Variants in HSDL1 observed in about 807,000 individuals in gnomAD.
The protein encoded by HSDL1 is inactive hydroxysteroid dehydrogenase-like protein 1.
HSDL1 carries 29 observed loss-of-function variants against 31.5 expected under a neutral mutation model. The ratio of observed to expected loss-of-function variants is 0.92; its 90% CI spans 0.69 to 1.26. HSDL1 has a LOEUF of 1.26. Ranked by LOEUF, HSDL1 falls within the 50% of genes most tolerant of loss-of-function variation. HSDL1 has a pLI of 0.00. For missense variants in HSDL1, 503 were observed against 416.6 expected (o/e 1.21, Z -1.81); for synonymous variants, 222 against 155.2 (o/e 1.43, Z -3.20).
intron 1 of HSDL1, among the ~76,000 whole-genome samples, chr16:84,138,137 T>C (rs1271779074): frequency 6.6e-5 from 10 of 152,212 alleles, no homozygotes; most frequent in Non-Finnish European, 8.8e-5. Context: ...ACCCAGTTCA[T>C]GGTATTTTGT....
intron 1 of HSDL1, among the ~76,000 whole-genome samples, chr16:84,143,876 G>A (rs1198337861): frequency 6.6e-6 from 1 of 151,868 alleles, no homozygotes; most frequent in African/African-American, 2.4e-5. Flanking sequence ...GGTAGAACGT[G>A]CCTGTAATCC....
chr16:84,144,266 A>G (rs1293875262), intron 1 of HSDL1: 1 of 151,994 alleles, frequency 6.6e-6, no homozygotes, highest in East Asian at 1.9e-4. Context: ...CACACCCAAG[A>G]CCCCACAACT....
Position 84,130,308 on chromosome 16 carries a change from T to G in HSDL1, c.344A>C (p.Tyr115Ser). The stretch of plus-strand genomic sequence containing the variant: ...AACTATAATATCAGTTTCCACTTTG[T>G]ACGTGTCGGCTATGTCTTTAGCAAC... ...QVVAKDIADT[Y>S]KVETDIIVAD... The change falls in exon 4 of 6, where the codon TAC (tyrosine) becomes TCC (serine). Residue 115 changes from tyrosine (Y) to serine (S), a missense_variant. Physicochemically the swap from Tyr to Ser is moderately radical, Grantham distance 144. Coordinates refer to ENST00000219439, the MANE Select transcript of HSDL1 (RefSeq NM_031463.5). 6.2e-7 allele frequency: 1 copy of G among 1,614,260 alleles called. No individual in the cohort carries two copies. Among genetic ancestry groups the G allele is most frequent in the Non-Finnish European group, 8.5e-7 (1 of 1,180,046 alleles).
intron 2 of HSDL1, among the ~76,000 whole-genome samples, chr16:84,132,113 G>A (rs1315877825): frequency 2.6e-5 from 4 of 152,216 alleles, no homozygotes; most frequent in Admixed American, 6.5e-5. Flanking sequence ...ACTACATGCT[G>A]TGGCTACAGA....
At chr16:84,131,424 T>C (rs2151187539) in intron 2 of HSDL1, 97 bp from the exon 3 acceptor site, 2 of 816,464 alleles carry the variant, frequency 2.4e-6, no homozygotes, top group East Asian at 2.4e-5. Flanking sequence ...GCATCAGATC[T>C]TGTCAATTGT....
chr16:84,136,385 A>G (rs1318271195), intron 1 of HSDL1, among the ~76,000 whole-genome samples: 2 of 152,234 alleles, frequency 1.3e-5, no homozygotes, highest in Non-Finnish European at 2.9e-5. Context: ...ATAGTCCTCC[A>G]GGGCAGAGGC....
rs2086576192 is a variant in HSDL1 at position 84,123,700 on chromosome 16, G to C, written c.*930C>G. ...GAATAATATTACATAGAAAAACGTA[G>C]GAAAACCAGATATAACAAGCTCTAA... On this transcript the variant is annotated 3_prime_UTR_variant, in exon 6 of 6. Coordinates refer to ENST00000219439, the MANE Select transcript of HSDL1 (RefSeq NM_031463.5). The C allele has an allele frequency of 6.6e-6, 1 of 152,480 alleles. No homozygotes were observed. The highest frequency in any genetic ancestry group is 2.1e-4 in the South Asian group (1 of 4,818). The allele number at this position is 152,480 out of a possible 1,614,324, so 9.4% of individuals were successfully genotyped here.
chr16:84,144,947 G>C, intron 1 of HSDL1, 133 bp downstream of exon 1: 1 of 152,702 alleles, frequency 6.5e-6, no homozygotes, highest in East Asian at 1.9e-4. Flanking sequence ...AGCGGAGGGG[G>C]CCCGGGGCCT....
chr16:84,137,323 T>A (rs2086721983), intron 1 of HSDL1, among the ~76,000 whole-genome samples: 1 of 151,908 alleles, frequency 6.6e-6, no homozygotes, highest in Admixed American at 6.6e-5. Context: ...CATTAGGAAG[T>A]CCCCCGCATG....
rs2086571227 is a variant in HSDL1 at position 84,123,149 on chromosome 16, A to G, written c.*1481T>C. On this transcript the variant is annotated 3_prime_UTR_variant, in exon 6 of 6. Transcript: ENST00000219439. ...TGAAGACATGATCTAAGCGTGGAAG[A>G]GCTTCTGAAGTTGACCACTGATCTT... 6.6e-6 allele frequency: 1 copy of G among 152,180 alleles called. No homozygotes were observed. Among genetic ancestry groups the G allele is most frequent in the Non-Finnish European group, 1.5e-5 (1 of 68,036 alleles). 9.4% of individuals were successfully genotyped at this position (152,180 alleles called of 1,614,324 possible).
At chr16:84,128,746 C>A (rs1025400831) in intron 5 of HSDL1, among the ~76,000 whole-genome samples, 1 of 151,208 alleles carries the variant, frequency 6.6e-6, no homozygotes, top group South Asian at 2.1e-4. Flanking sequence ...CTTGCTCTGT[C>A]GCCTAGGCTG....
intron 1 of HSDL1, among the ~76,000 whole-genome samples, chr16:84,141,009 TGAACCCG>T (rs1421778810): frequency 6.6e-6 from 1 of 150,448 alleles, no homozygotes; most frequent in Non-Finnish European, 1.5e-5. Flanking sequence ...GAGAATGGCG[TGAACCCG>T]GAAGGCGGAG....
intron 1 of HSDL1, among the ~76,000 whole-genome samples, chr16:84,143,873 C>T (rs565401157): frequency 5.0e-4 from 75 of 151,212 alleles, no homozygotes; most frequent in African/African-American, 1.6e-3. Flanking sequence ...TGTGGTAGAA[C>T]GTGCCTGTAA....
chr16:84,130,955 G>T (rs973437192), intron 3 of HSDL1, 147 bp downstream of exon 3: 1 of 683,674 alleles, frequency 1.5e-6, no homozygotes, highest in Non-Finnish European at 2.5e-6. Flanking sequence ...GTAAGAAAAT[G>T]AAATGTGAAC....
At chr16:84,126,765 G>C (rs930738194) in intron 5 of HSDL1, among the ~76,000 whole-genome samples, 1 of 152,148 alleles carries the variant, frequency 6.6e-6, no homozygotes, top group African/African-American at 2.4e-5. Flanking sequence ...CGCACTTTGT[G>C]AACAAAATCA....
Position 84,126,742 on chromosome 16 carries a change from A to G in HSDL1, c.895-2014T>C, listed in dbSNP as rs117694670. Among the ~76,000 whole-genome samples the G allele has an allele frequency of 8.7e-4, 133 of 152,208 alleles. No homozygotes were observed. In the East Asian group the frequency reaches 0.024, roughly 27 times the overall value. On this transcript the variant is annotated intron_variant, in intron 5 of 5. Transcript: ENST00000219439. The stretch of plus-strand genomic sequence containing the variant: ...AGGGAGGACACACCCACACCCACAC[A>G]CACACACACTCACGCACTTTGTGAA...
chr16:84,143,672 T>C (rs1224893970), intron 1 of HSDL1, among the ~76,000 whole-genome samples: 2 of 152,104 alleles, frequency 1.3e-5, no homozygotes, highest in Non-Finnish European at 2.9e-5. Context: ...TGTTCAACTC[T>C]GTTGCCCTAG....
chr16:84,127,209 CTTTTTTTTTTTTTT>C (rs71148881), intron 5 of HSDL1, among the ~76,000 whole-genome samples: 1 of 93,378 alleles, frequency 1.1e-5, no homozygotes, highest in African/African-American at 3.9e-5. Flanking sequence ...ACTGTTTCTT[CTTTTTTTTTTTTTT>C]TTTTTTTTTT....
In HSDL1 at chr16:84,135,959, G is replaced by A. The variant is rs573529607; in HGVS notation, c.-68-354C>T. Reference sequence around the variant, plus strand: ...GGAAACACCGCCCAGGCACCAGGCCGGCATCGGGGAAGAGAGCAGCCACAG... The same window carrying A: ...GGAAACACCGCCCAGGCACCAGGCCAGCATCGGGGAAGAGAGCAGCCACAG... On this transcript the variant is annotated intron_variant, in intron 1 of 5. Transcript: ENST00000219439. Among the ~76,000 whole-genome samples the A allele has an allele frequency of 1.8e-4, 28 of 152,332 alleles. No individual in the cohort carries two copies. The South Asian group carries it at 4.6e-3, about 25-fold the overall frequency.
Sources: allele counts gnomAD v4.1 joint callset (sites outside exome capture counted in the v4.1 genomes callset), GRCh38; gene constraint gnomAD v4.1.1; transcripts MANE v1.5; gene names NCBI Gene and HGNC (gene_info 2026-07-23, HGNC 2026-07-21).